The following EVI5 variants were observed in gnomAD, a reference collection of about 807,000 sequenced individuals.
EVI5 encodes ecotropic viral integration site 5 protein homolog.
A neutral mutation model predicts 112.0 loss-of-function variants in EVI5; 73 were observed. The ratio of observed to expected loss-of-function variants is 0.65; its 90% CI spans 0.54 to 0.79. The LOEUF (loss-of-function observed/expected upper bound fraction) is 0.79, where lower values mean the gene tolerates loss of function less well. Ranked by LOEUF, EVI5 falls within the 30% of genes least tolerant of loss-of-function variation. The pLI, the probability that EVI5 is intolerant of heterozygous loss-of-function variation, is 0.00. For missense variants in EVI5, 900 were observed against 968.8 expected (o/e 0.93, Z 0.94); for synonymous variants, 305 against 319.9 (o/e 0.95, Z 0.50).
intron 19 of EVI5, among the ~76,000 whole-genome samples, chr1:92,546,585 A>G (rs1206706599): frequency 1.3e-5 from 2 of 152,078 alleles, no homozygotes; most frequent in East Asian, 3.9e-4. Context: ...AATACCAGCT[A>G]CTCAGGAGGC....
At chr1:92,727,779 G>A (rs1036059131) in intron 2 of EVI5, among the ~76,000 whole-genome samples, 11 of 152,008 alleles carry the variant, frequency 7.2e-5, no homozygotes, top group Non-Finnish European at 1.0e-4. Flanking sequence ...ATTTTAGGAG[G>A]CTGAGGTGAG....
chr1:92,602,253 G>A (rs201461071), intron 18 of EVI5, among the ~76,000 whole-genome samples: 1 of 152,146 alleles, frequency 6.6e-6, no homozygotes, highest in East Asian at 1.9e-4. Flanking sequence ...AAAGACTATT[G>A]TGACTTGGAG....
At chr1:92,637,398 G>T (rs1351310372) in intron 13 of EVI5, among the ~76,000 whole-genome samples, 2 of 149,530 alleles carry the variant, frequency 1.3e-5, no homozygotes, top group Non-Finnish European at 1.5e-5. Context: ...AAAAAAAAAA[G>T]ATATACATAG....
At chr1:92,649,310 A>G (rs1316008754) in intron 13 of EVI5, among the ~76,000 whole-genome samples, 1 of 152,216 alleles carries the variant, frequency 6.6e-6, no homozygotes, top group African/African-American at 2.4e-5. Flanking sequence ...ATTTTCTACC[A>G]TTCTACAGGT....
intron 9 of EVI5, among the ~76,000 whole-genome samples, chr1:92,690,345 T>C (rs1669284246): frequency 2.0e-5 from 2 of 97,980 alleles, no homozygotes; most frequent in East Asian, 3.5e-4. Flanking sequence ...GTATCCCCAA[T>C]GATACTTTTT....
chr1:92,567,299 T>A (rs1421700422), intron 18 of EVI5, among the ~76,000 whole-genome samples: 1 of 152,092 alleles, frequency 6.6e-6, no homozygotes, highest in African/African-American at 2.4e-5. Context: ...CTAAGGTTAA[T>A]TTATTATTGA....
At position 92,661,943 on chromosome 1, in the gene EVI5, T is replaced by C. The variant is rs1286720773; in HGVS notation, c.1392+776A>G. ...TGGAAAACTGAAACAAGAAATAATA[T>C]GTTTTCAAAGATAAACAGTTGGCTT... On this transcript the variant is annotated intron_variant, in intron 13 of 19. Coordinates refer to ENST00000684568, the MANE Select transcript of EVI5 (RefSeq NM_001350197.2). Among the ~76,000 whole-genome samples, 8 of 152,200 alleles carry C rather than the reference T, an allele frequency of 5.3e-5. No homozygotes were observed. In the East Asian group the frequency reaches 1.5e-3, roughly 29 times the overall value.
In EVI5 at chr1:92,675,533, C is replaced by T. The variant is rs541490366; in HGVS notation, c.1158+1625G>A. ...TGGTGAAATGAACAGGATGGCTTCC[C>T]CATCCTCAGATTCTTGATTTGCAGT... On this transcript the variant is annotated intron_variant, in intron 10 of 19. Coordinates refer to ENST00000684568, the MANE Select transcript of EVI5 (RefSeq NM_001350197.2). 5.7e-4 allele frequency among the ~76,000 whole-genome samples: 87 copies of T among 151,750 alleles called. 1 individual carries two copies. In the South Asian group the frequency reaches 0.018, roughly 31 times the overall value.
intron 5 of EVI5, among the ~76,000 whole-genome samples, chr1:92,701,136 G>T (rs1239661453): frequency 6.6e-6 from 1 of 152,086 alleles, no homozygotes; most frequent in East Asian, 1.9e-4. Flanking sequence ...CTTCTACTTA[G>T]AAAAGTGTAT....
At chr1:92,624,827 T>C (rs1469581051) in intron 15 of EVI5, among the ~76,000 whole-genome samples, 2 of 152,242 alleles carry the variant, frequency 1.3e-5, no homozygotes, top group East Asian at 3.9e-4. Context: ...ATTCACATTA[T>C]TGCCATTATT....
chr1:92,687,003 T>G (rs536090076), intron 9 of EVI5, among the ~76,000 whole-genome samples: 1 of 152,310 alleles, frequency 6.6e-6, no homozygotes, highest in African/African-American at 2.4e-5. Flanking sequence ...CCCATCAAGC[T>G]ACCACTGGTT....
chr1:92,783,483 TAAAAAA>T (rs774619273), intron 1 of EVI5, among the ~76,000 whole-genome samples: 1 of 24,272 alleles, frequency 4.1e-5, no homozygotes, highest in Admixed American at 5.2e-4. Context: ...GACTCAGCCT[TAAAAAA>T]AAAAAAAAAA....
intron 1 of EVI5, among the ~76,000 whole-genome samples, chr1:92,777,677 A>G (rs1195183618): frequency 6.6e-6 from 1 of 152,200 alleles, no homozygotes; most frequent in Non-Finnish European, 1.5e-5. Context: ...TTTCTGTATA[A>G]TGGAAAGCAG....
At chr1:92,532,786 T>G (rs1162668335) in intron 19 of EVI5, among the ~76,000 whole-genome samples, 2 of 152,082 alleles carry the variant, frequency 1.3e-5, no homozygotes, top group Admixed American at 1.3e-4. Context: ...TTTAAAGCAG[T>G]GTGTAGAGGG....
intron 2 of EVI5, among the ~76,000 whole-genome samples, chr1:92,711,987 A>G (rs576959635): frequency 1.3e-5 from 2 of 152,276 alleles, no homozygotes; most frequent in Admixed American, 6.5e-5. Context: ...ACATGGTGGA[A>G]GGGGCAAAGG....
chr1:92,670,064 C>G (rs1006819321), intron 10 of EVI5, among the ~76,000 whole-genome samples: 2 of 152,084 alleles, frequency 1.3e-5, no homozygotes, highest in South Asian at 4.1e-4. Flanking sequence ...GACAAACATA[C>G]CCTGGACACA....
intron 2 of EVI5, among the ~76,000 whole-genome samples, chr1:92,726,027 C>T (rs979172730): frequency 2.0e-5 from 3 of 152,082 alleles, no homozygotes; most frequent in Non-Finnish European, 2.9e-5. Context: ...AATTTGAATA[C>T]GTAGCAACTT....
rs747070594 is a variant in EVI5 at position 92,695,348 on chromosome 1, G to T, written c.871C>A (p.Pro291Thr). The T allele has an allele frequency of 1.2e-6, 2 of 1,609,864 alleles. No homozygotes were observed. Among genetic ancestry groups the T allele is most frequent in the South Asian group, 2.2e-5 (2 of 90,848 alleles). The change falls in exon 7 of 20, where the codon CCA (proline) becomes ACA (threonine). Residue 291 changes from proline (P) to threonine (T), a missense_variant. By Grantham distance (38) the Pro-to-Thr change is conservative (BLOSUM62 -1). Coordinates refer to ENST00000684568, the MANE Select transcript of EVI5 (RefSeq NM_001350197.2). The part of the protein sequence containing the change: ...LTIFLTTFPL[P>T]IATRIFDIFM... ...ATATCAAATATCCTTGTTGCAATTG[G>T]TAGTGGAAAAGTTGTAAGAAAGATA...
intron 2 of EVI5, among the ~76,000 whole-genome samples, chr1:92,706,053 C>A (rs1011533985): frequency 3.9e-5 from 6 of 152,014 alleles, no homozygotes; most frequent in South Asian, 2.1e-4. Flanking sequence ...ATAAACTGAA[C>A]AAACAAATTC....
Sources: gnomAD v4.1 joint callset for allele counts (sites outside exome capture counted in the v4.1 genomes callset) on GRCh38, gnomAD v4.1.1 for gene constraint, MANE v1.5 for transcripts, NCBI Gene and HGNC (gene_info 2026-07-23, HGNC 2026-07-21) for gene names.